Variants in SPATC1 observed in about 807,000 individuals in gnomAD.
The protein encoded by SPATC1 is spermatogenesis and centriole associated 1.
Under a neutral mutation model 36.5 loss-of-function variants are expected in SPATC1, and 35 were observed. The ratio of observed to expected loss-of-function variants is 0.96; its 90% confidence interval spans 0.73 to 1.27. The LOEUF (loss-of-function observed/expected upper bound fraction) is 1.27, where lower values mean the gene tolerates loss of function less well. Among genes scored for constraint, SPATC1 ranks in the 50% most tolerant of loss-of-function variants. The pLI, the probability that SPATC1 is intolerant of heterozygous loss-of-function variation, is 0.00. For missense variants in SPATC1, 779 were observed against 796.0 expected (o/e 0.98, Z 0.26); for synonymous variants, 361 against 353.6 (o/e 1.02, Z -0.24).
Position 144,047,000 on chromosome 8 carries a change from G to A in SPATC1, c.*44G>A, listed in dbSNP as rs782318473. ...CAGGCTCGCTCAGCCCCACAGCCCTGTGCACGGCCATTAAAGCTTCCCACA... is the reference window on the plus strand; with the variant it reads ...CAGGCTCGCTCAGCCCCACAGCCCTATGCACGGCCATTAAAGCTTCCCACA... On this transcript the variant is annotated 3_prime_UTR_variant, in exon 5 of 5. Transcript: ENST00000377470. This position sits in a 1 kb window ranked among gnomAD's most constrained non-coding sequence, Gnocchi z 6.6. The A allele has an allele frequency of 6.4e-7, 1 of 1,558,138 alleles. No homozygotes were observed. Among genetic ancestry groups the A allele is most frequent in the Non-Finnish European group, 8.6e-7 (1 of 1,157,120 alleles).
At chr8:144,044,892 T>C (rs1554756558) in intron 4 of SPATC1, among the ~76,000 whole-genome samples, 1 of 152,128 alleles carries the variant, frequency 6.6e-6, no homozygotes, top group African/African-American at 2.4e-5. Flanking sequence ...GAGGTTGCAG[T>C]GAGCTGAGAT....
At position 144,040,404 on chromosome 8, in the gene SPATC1, G is replaced by A. The variant is rs572527417; in HGVS notation, c.707G>A (p.Arg236His). The change falls in exon 2 of 5, where the codon CGC becomes CAC. Residue 236 changes from arginine (R) to histidine (H), a missense_variant. By Grantham distance (29) the Arg-to-His change is conservative. Coordinates refer to ENST00000377470, the MANE Select transcript of SPATC1 (RefSeq NM_198572.3). The stretch of plus-strand genomic sequence containing the variant: ...AGGCTGCGGCTGGCTGAGCCACTCC[G>A]CGGAGGCCCCACTGGGCCCCAGTCC... ...APRLRLAEPL[R>H]GGPTGPQSPA... is the part of the protein sequence containing the mutation. 46 of 1,611,338 alleles carry A rather than the reference G, an allele frequency of 2.9e-5. 1 individual carries two copies. The South Asian group carries it at 3.5e-4, about 12-fold the overall frequency.
In SPATC1 at chr8:144,016,417, G is replaced by A. The variant is rs1242356060; in HGVS notation, c.211+3691G>A. 6.6e-6 allele frequency among the ~76,000 whole-genome samples: 1 copy of A among 152,008 alleles called. No homozygotes were observed. The highest frequency in any genetic ancestry group is 3.4e-3 in the Middle Eastern group (1 of 294). ...TATGTGGTATGTATGTGTTATGTGG[G>A]TGTTTGTATTTTGGCGTATGTCTGA... is the stretch of plus-strand genomic sequence containing the variant. On this transcript the variant is annotated intron_variant, in intron 1 of 4. Coordinates refer to ENST00000377470, the MANE Select transcript of SPATC1 (RefSeq NM_198572.3). This position sits in a 1 kb window ranked among gnomAD's most constrained non-coding sequence, Gnocchi z 4.5.
intron 3 of SPATC1, 58 bp from the exon 4 acceptor site, chr8:144,041,174 T>G: frequency 3.1e-6 from 5 of 1,601,696 alleles, no homozygotes; most frequent in Non-Finnish European, 4.3e-6. Flanking sequence ...CTGCCTGGGC[T>G]GCTGAGCCCA....
At chr8:144,041,551 G>A (rs1181882072) in intron 4 of SPATC1, among the ~76,000 whole-genome samples, 180 bp downstream of exon 4, 9 of 152,224 alleles carry the variant, frequency 5.9e-5, no homozygotes, top group Admixed American at 2.6e-4. Context: ...GGGAGCCCAC[G>A]GTCTCCTCAG....
At chr8:144,026,224 CATA>C (rs1834674170) in intron 1 of SPATC1, among the ~76,000 whole-genome samples, 1 of 152,152 alleles carries the variant, frequency 6.6e-6, no homozygotes, top group South Asian at 2.1e-4. Context: ...TTTCACTAAG[CATA>C]ATGTTTTCAA....
chr8:144,020,002 T>A (rs1834474078), intron 1 of SPATC1, among the ~76,000 whole-genome samples: 1 of 151,886 alleles, frequency 6.6e-6, no homozygotes, highest in Non-Finnish European at 1.5e-5. Flanking sequence ...CCCGCCCCCA[T>A]GTCACAGTTT....
chr8:144,014,207 C>T (rs1426235735), intron 1 of SPATC1, among the ~76,000 whole-genome samples: 9 of 150,894 alleles, frequency 6.0e-5, no homozygotes, highest in Non-Finnish European at 1.2e-4. Flanking sequence ...GCCGAGGTTG[C>T]GCCATTGCAC....
At chr8:144,013,784 C>T (rs1834326842) in intron 1 of SPATC1, among the ~76,000 whole-genome samples, 1 of 152,032 alleles carries the variant, frequency 6.6e-6, no homozygotes, top group Admixed American at 6.5e-5. Flanking sequence ...GGCGAAACGC[C>T]ATCTCTACTA....
intron 1 of SPATC1, among the ~76,000 whole-genome samples, chr8:144,015,798 C>T (rs1463334165): frequency 4.7e-5 from 7 of 150,058 alleles, no homozygotes; most frequent in African/African-American, 1.5e-4. Flanking sequence ...TGGTGGCTCA[C>T]GCCTGTAATC....
intron 4 of SPATC1, among the ~76,000 whole-genome samples, chr8:144,044,396 G>C (rs1356083079): frequency 6.6e-6 from 1 of 151,554 alleles, no homozygotes; most frequent in Non-Finnish European, 1.5e-5. Flanking sequence ...CCACGCCACG[G>C]GTTCACGCCA....
intron 1 of SPATC1, among the ~76,000 whole-genome samples, chr8:144,015,051 T>A (rs534721944): frequency 9.9e-4 from 151 of 152,224 alleles, no homozygotes; most frequent in African/African-American, 3.5e-3. Context: ...AATTTTTTTT[T>A]TTTTGAGAGA....
At chr8:144,039,789 C>T (rs1835010257) in intron 1 of SPATC1, 120 bp from the exon 2 acceptor site, 1 of 1,089,710 alleles carries the variant, frequency 9.2e-7, no homozygotes, top group Admixed American at 2.3e-5. Context: ...GACCAGTCAG[C>T]TCATCGGGGA....
intron 1 of SPATC1, among the ~76,000 whole-genome samples, chr8:144,018,554 G>C (rs1055416462): frequency 6.6e-6 from 1 of 151,998 alleles, no homozygotes; most frequent in Non-Finnish European, 1.5e-5. Flanking sequence ...ATGGGGTGGG[G>C]AGTGCCCTTG....
chr8:144,041,249 T>C lies in SPATC1; in HGVS notation c.1324T>C (p.Trp442Arg), dbSNP rs1187174101. The C allele has an allele frequency of 6.2e-7, 1 of 1,613,166 alleles. No homozygotes were observed. The highest frequency in any genetic ancestry group is 8.5e-7 in the Non-Finnish European group (1 of 1,179,980). The change falls in exon 4 of 5, where the codon TGG becomes CGG. Residue 442 changes from tryptophan (W) to arginine (R), a missense_variant. Physicochemically the swap from Trp to Arg is moderately radical, Grantham distance 101 (BLOSUM62 -3). Transcript: ENST00000377470. ...ENPRESKQLA[W>R]ERLVGEIAFQ... ...GTCCCCAGAGTCGAAGCAGCTGGCC[T>C]GGGAGAGGCTGGTGGGTGAGATTGC...
intron 1 of SPATC1, among the ~76,000 whole-genome samples, chr8:144,020,733 G>C (rs978685793): frequency 3.2e-5 from 1 of 31,178 alleles, no homozygotes; most frequent in African/African-American, 1.2e-4. Context: ...CTTCCCTCAG[G>C]AGCCTCTTCC....
intron 1 of SPATC1, among the ~76,000 whole-genome samples, chr8:144,032,145 AT>A (rs1834810717): frequency 6.7e-6 from 1 of 150,222 alleles, no homozygotes; most frequent in African/African-American, 2.5e-5. Flanking sequence ...GGCTTTATTC[AT>A]TTTTCTTTCT....
chr8:144,041,172 G>A, intron 3 of SPATC1, 60 bp from the exon 4 acceptor site: 3 of 1,600,348 alleles, frequency 1.9e-6, no homozygotes, highest in Non-Finnish European at 2.6e-6. Flanking sequence ...GCCTGCCTGG[G>A]CTGCTGAGCC....
At position 144,039,951 on chromosome 8, in the gene SPATC1, T is replaced by C; in HGVS notation, c.254T>C (p.Val85Ala). The C allele has an allele frequency of 6.2e-7, 1 of 1,613,664 alleles. No individual in the cohort carries two copies. The highest frequency in any genetic ancestry group is 8.5e-7 in the Non-Finnish European group (1 of 1,179,912). Reference protein sequence around the residue: ...PPSPAVANERVLEEVGIMALA... With the variant: ...PPSPAVANERALEEVGIMALA... ...TCCCCAGCAGTGGCAAACGAACGAG[T>C]CCTCGAAGAAGTGGGGATCATGGCC... Residue 85 changes from valine (V) to alanine (A), a missense_variant, in exon 2 of 5, where the codon GTC becomes GCC. Transcript: ENST00000377470.
Sources: allele counts gnomAD v4.1 joint callset (sites outside exome capture counted in the v4.1 genomes callset), GRCh38; gene constraint gnomAD v4.1.1; non-coding constraint Gnocchi (gnomAD v3.1); transcripts MANE v1.5; gene names NCBI Gene and HGNC (gene_info 2026-07-23, HGNC 2026-07-21).